GALNT17: variants seen among roughly 807,000 people sequenced by gnomAD.
GALNT17 encodes UDP-GalNAc:polypeptide N-acetylgalactosaminyltransferase-like 3.
Under a neutral mutation model 63.7 loss-of-function variants are expected in GALNT17, and 29 were observed. That is an observed-to-expected ratio of 0.46 (90% CI 0.34 to 0.62). The LOEUF (loss-of-function observed/expected upper bound fraction) is 0.62, where lower values mean the gene tolerates loss of function less well. Among genes scored for constraint, GALNT17 ranks in the 20% least tolerant of loss-of-function variants. GALNT17 has a pLI of 0.01. For synonymous variants in GALNT17, 305 were observed against 318.3 expected, an observed-to-expected ratio of 0.96 and a Z score of 0.45; for missense variants, 603 against 799.6, an observed-to-expected ratio of 0.75 and a Z score of 2.97.
intron 6 of GALNT17, among the ~76,000 whole-genome samples, chr7:71,592,035 G>C (rs1201408693): frequency 6.6e-6 from 1 of 152,220 alleles, no homozygotes; most frequent in African/African-American, 2.4e-5. Flanking sequence ...CCGTCTGTCA[G>C]TTGCCTGTGG....
intron 1 of GALNT17, among the ~76,000 whole-genome samples, chr7:71,285,424 G>T (rs140723424): frequency 6.6e-6 from 1 of 152,232 alleles, no homozygotes; most frequent in African/African-American, 2.4e-5. Context: ...TGTAAAATCT[G>T]GACCAACCTC....
intron 1 of GALNT17, among the ~76,000 whole-genome samples, chr7:71,185,117 C>G (rs983531569): frequency 6.8e-6 from 1 of 146,394 alleles, no homozygotes; most frequent in Non-Finnish European, 1.5e-5. Flanking sequence ...CCCCTGCCCT[C>G]GCCTCCCTTC....
intron 1 of GALNT17, among the ~76,000 whole-genome samples, chr7:71,321,286 C>G (rs1279761173): frequency 1.3e-5 from 2 of 152,208 alleles, no homozygotes; most frequent in Non-Finnish European, 2.9e-5. Flanking sequence ...TGAGAAAATT[C>G]TGAAGGTTCC....
intron 5 of GALNT17, among the ~76,000 whole-genome samples, chr7:71,536,886 G>A (rs1314783808): frequency 1.3e-5 from 2 of 152,180 alleles, no homozygotes; most frequent in Non-Finnish European, 2.9e-5. Context: ...ACGTTCTGAT[G>A]CCACATAGTT....
chr7:71,385,350 A>G (rs1009538278), intron 2 of GALNT17, among the ~76,000 whole-genome samples: 6 of 152,160 alleles, frequency 3.9e-5, no homozygotes, highest in African/African-American at 1.4e-4. Context: ...TGCAGCTTCC[A>G]TATCCAGCCC....
intron 5 of GALNT17, among the ~76,000 whole-genome samples, chr7:71,548,411 G>A (rs1045809874): frequency 1.3e-5 from 2 of 152,202 alleles, no homozygotes; most frequent in East Asian, 3.9e-4. Context: ...GTGGCCATGG[G>A]CCACACCATC....
chr7:71,702,123 T>C (rs950227464), intron 9 of GALNT17, among the ~76,000 whole-genome samples: 5 of 151,728 alleles, frequency 3.3e-5, no homozygotes, highest in African/African-American at 1.2e-4. Context: ...CACTGTGGAC[T>C]ACCAGAGTAG....
At chr7:71,147,289 C>A (rs1176425183) in intron 1 of GALNT17, among the ~76,000 whole-genome samples, 1 of 152,164 alleles carries the variant, frequency 6.6e-6, no homozygotes, top group African/African-American at 2.4e-5. Flanking sequence ...CAAGGAGAGC[C>A]TGTCCAAGTC....
intron 5 of GALNT17, among the ~76,000 whole-genome samples, chr7:71,445,725 C>T (rs1787150282): frequency 6.6e-6 from 1 of 152,154 alleles, no homozygotes; most frequent in Non-Finnish European, 1.5e-5. Context: ...CTTCCAGAAA[C>T]ATGTCATCTC....
chr7:71,360,846 G>A (rs1163876466), intron 2 of GALNT17, among the ~76,000 whole-genome samples: 4 of 152,228 alleles, frequency 2.6e-5, no homozygotes, highest in African/African-American at 7.2e-5. Context: ...GCAGAGGCAC[G>A]AGAATTGCTT....
intron 5 of GALNT17, among the ~76,000 whole-genome samples, chr7:71,446,293 A>C: frequency 6.6e-6 from 1 of 152,308 alleles, no homozygotes; most frequent in East Asian, 1.9e-4. Flanking sequence ...TACTGTATCC[A>C]TTATAAATTT....
intron 1 of GALNT17, among the ~76,000 whole-genome samples, chr7:71,221,718 G>A (rs1007350264): frequency 1.3e-5 from 2 of 152,082 alleles, no homozygotes; most frequent in African/African-American, 4.8e-5. Flanking sequence ...ATCTCTGCAC[G>A]CTGCTGCCTT....
intron 5 of GALNT17, among the ~76,000 whole-genome samples, chr7:71,513,858 T>G (rs1196009536): frequency 6.6e-6 from 1 of 152,128 alleles, no homozygotes; most frequent in Non-Finnish European, 1.5e-5. Flanking sequence ...CTGTAGAGTG[T>G]AAGGTCTGGT....
At chr7:71,210,637 G>T (rs1789358366) in intron 1 of GALNT17, among the ~76,000 whole-genome samples, 1 of 152,168 alleles carries the variant, frequency 6.6e-6, no homozygotes, top group Admixed American at 6.5e-5. Context: ...TTGGCTTTTG[G>T]ATTGTTCATC....
intron 1 of GALNT17, among the ~76,000 whole-genome samples, chr7:71,324,456 G>A (rs1039350169): frequency 6.6e-6 from 1 of 152,126 alleles, no homozygotes; most frequent in African/African-American, 2.4e-5. Flanking sequence ...TTCAACACTA[G>A]CCTGAGCAAC....
intron 1 of GALNT17, among the ~76,000 whole-genome samples, chr7:71,331,611 C>T (rs773606914): frequency 2.0e-5 from 3 of 151,988 alleles, no homozygotes; most frequent in South Asian, 2.1e-4. Context: ...CTTGGGAGGC[C>T]GAGGCAGGAG....
intron 1 of GALNT17, among the ~76,000 whole-genome samples, chr7:71,274,006 C>T (rs1253305640): frequency 6.6e-6 from 1 of 152,210 alleles, no homozygotes; most frequent in Non-Finnish European, 1.5e-5. Flanking sequence ...ATGTGCCACA[C>T]TGAAGAATAT....
chr7:71,469,042 G>C (rs1787584736), intron 5 of GALNT17, among the ~76,000 whole-genome samples: 1 of 152,124 alleles, frequency 6.6e-6, no homozygotes, highest in Admixed American at 6.5e-5. Flanking sequence ...TGATGGTAGA[G>C]AGCACGGTGT....
intron 2 of GALNT17, among the ~76,000 whole-genome samples, chr7:71,377,256 A>G (rs965158355): frequency 2.0e-5 from 3 of 151,060 alleles, no homozygotes; most frequent in Non-Finnish European, 4.4e-5. Context: ...ATTTTTGGCT[A>G]AAGGCAATTA....
Sources: gnomAD v4.1 joint callset for allele counts (sites outside exome capture counted in the v4.1 genomes callset) on GRCh38, gnomAD v4.1.1 for gene constraint, MANE v1.5 for transcripts, NCBI Gene and HGNC (gene_info 2026-07-23, HGNC 2026-07-21) for gene names.